The following RTN4R variants were observed in gnomAD, a reference collection of about 807,000 sequenced individuals.
RTN4R encodes reticulon-4 receptor.
Under a neutral mutation model 27.7 loss-of-function variants are expected in RTN4R, and 4 were observed. That is an observed-to-expected ratio of 0.14 (90% CI 0.07 to 0.33). The LOEUF (loss-of-function observed/expected upper bound fraction) is 0.33, where lower values mean the gene tolerates loss of function less well. RTN4R is among the 10% of genes least tolerant of loss of function. The pLI is 1.00. For missense variants in RTN4R, 554 were observed against 671.5 expected (o/e 0.83, Z 1.93); for synonymous variants, 290 against 305.6 (o/e 0.95, Z 0.53).
Position 20,242,835 on chromosome 22 carries a change from C to T in RTN4R, c.298G>A (p.Ala100Thr), listed in dbSNP as rs1374199094. 9.9e-6 allele frequency: 16 copies of T among 1,613,058 alleles called. No individual in the cohort carries two copies. Among genetic ancestry groups the T allele is most frequent in the Non-Finnish European group, 1.4e-5 (16 of 1,179,962 alleles). The change falls in exon 2 of 2, where the codon GCC becomes ACC. Residue 100 changes from alanine (A) to threonine (T), a missense_variant. Around this residue, in one of 2 missense-constraint regions of RTN4R, gnomAD observed 413 missense variants for 542.3 expected, o/e 0.76. Transcript: ENST00000043402. ...TCCAGGAGGGCCAGGCCAGTGAAGG[C>T]AGCCGCATCAATTCGGGCCAGCACA... ...SNVLARIDAAAFTGLALLEQL... is the reference protein window; with the variant it reads ...SNVLARIDAATFTGLALLEQL...
At chr22:20,251,246 A>AC in intron 1 of RTN4R, among the ~76,000 whole-genome samples, 1 of 151,848 alleles carries the variant, frequency 6.6e-6, no homozygotes, top group South Asian at 2.1e-4. Flanking sequence ...TGTACTTCCC[A>AC]GGACATCAGG....
At chr22:20,257,292 G>A (rs8136268) in intron 1 of RTN4R, among the ~76,000 whole-genome samples, 21,154 of 152,280 alleles carry the variant, frequency 0.14, 1,645 homozygotes, top group South Asian at 0.25. Context: ...ACAGCTCCAT[G>A]TCTGCGTCTC....
At position 20,242,640 on chromosome 22, in the gene RTN4R, C is replaced by G; in HGVS notation, c.493G>C (p.Ala165Pro). Residue 165 changes from alanine (A) to proline (P), a missense_variant, in exon 2 of 2, where the codon GCG (alanine) becomes CCG (proline). Ala to Pro is a conservative substitution (Grantham distance 27). Coordinates refer to ENST00000043402, the MANE Select transcript of RTN4R (RefSeq NM_023004.6). Reference protein sequence around the residue: ...ALQYLYLQDNALQALPDDTFR... With the variant: ...ALQYLYLQDNPLQALPDDTFR... Reference sequence around the variant, plus strand: ...GTGTCATCAGGCAGTGCCTGCAGCGCGTTGTCCTGCAGGTAGAGGTACTGC... The same window carrying G: ...GTGTCATCAGGCAGTGCCTGCAGCGGGTTGTCCTGCAGGTAGAGGTACTGC... The G allele has an allele frequency of 6.2e-7, 1 of 1,611,942 alleles. No homozygotes were observed. Among genetic ancestry groups the G allele is most frequent in the Non-Finnish European group, 8.5e-7 (1 of 1,179,656 alleles).
At chr22:20,243,508 G>C in intron 1 of RTN4R, 1 of 497,262 alleles carries the variant, frequency 2.0e-6, no homozygotes, top group Non-Finnish European at 4.1e-6. Context: ...GTCCCAGTGG[G>C]GGTTCCACCC....
intron 1 of RTN4R, among the ~76,000 whole-genome samples, chr22:20,256,312 C>G (rs1201052376): frequency 1.3e-5 from 2 of 152,180 alleles, no homozygotes; most frequent in Non-Finnish European, 2.9e-5. Context: ...GGTCAGGGGG[C>G]CATGCACAGG....
At position 20,242,960 on chromosome 22, in the gene RTN4R, G is replaced by A. The variant is rs756270745; in HGVS notation, c.173C>T (p.Ala58Val). 1 of 1,612,026 alleles carries A rather than the reference G, an allele frequency of 6.2e-7. No homozygotes were observed. The highest frequency in any genetic ancestry group is 1.1e-5 in the South Asian group (1 of 91,038). The change falls in exon 2 of 2, where the codon GCC (alanine) becomes GTC (valine). Residue 58 changes from alanine (A) to valine (V), a missense_variant. This residue lies in a region of RTN4R where 413 missense variants were observed against 542.3 expected (regional missense o/e 0.76). Coordinates refer to ENST00000043402, the MANE Select transcript of RTN4R (RefSeq NM_023004.6). ...LQAVPVGIPA[A>V]SQRIFLHGNR... The stretch of plus-strand genomic sequence containing the variant: ...GCCGTGCAGGAAGATGCGCTGGCTG[G>A]CAGCAGGGATGCCCACGGGCACAGC...
intron 1 of RTN4R, among the ~76,000 whole-genome samples, chr22:20,266,002 G>A (rs1021336960): frequency 6.6e-6 from 1 of 152,236 alleles, no homozygotes; most frequent in Non-Finnish European, 1.5e-5. Context: ...TCCAGGTCAC[G>A]GTTCTGCCAC....
At chr22:20,244,769 C>G (rs1380244647) in intron 1 of RTN4R, among the ~76,000 whole-genome samples, 1 of 152,184 alleles carries the variant, frequency 6.6e-6, no homozygotes, top group Non-Finnish European at 1.5e-5. Context: ...GTCCTGGGGC[C>G]AGGTGGGGTG....
chr22:20,242,802 C>G lies in RTN4R; in HGVS notation c.331G>C (p.Asp111His). ...CGGAGCTGTGCATTATCGCTGAGGT[C>G]CAGCTGCTCCAGGAGGGCCAGGCCA... ...FTGLALLEQL[D>H]LSDNAQLRSV... Residue 111 changes from aspartate to histidine, a missense_variant, in exon 2 of 2, where the codon GAC becomes CAC. Physicochemically the swap from Asp to His is moderately conservative, Grantham distance 81. Transcript: ENST00000043402. The G allele has an allele frequency of 6.2e-7, 1 of 1,612,962 alleles. No homozygotes were observed. The highest frequency in any genetic ancestry group is 1.1e-5 in the South Asian group (1 of 91,076).
rs916973797 is a variant in RTN4R at position 20,241,813 on chromosome 22, C to T, written c.1320G>A (p.Gly440=). The change falls in exon 2 of 2, where the codon GGG becomes GGA. Residue 440 remains glycine, a synonymous_variant. Coordinates refer to ENST00000043402, the MANE Select transcript of RTN4R (RefSeq NM_023004.6). ...CACCTGAGCCTTCTGAGTCACCAGT[C>T]CCGCCACCCCCGCTGCCTGCCTGGC... is the stretch of plus-strand genomic sequence containing the variant. ...RLGQAGSGGG[G]TGDSEGSGAL... 1.9e-6 allele frequency: 3 copies of T among 1,581,180 alleles called. No homozygotes were observed. The highest frequency in any genetic ancestry group is 1.1e-5 in the South Asian group (1 of 87,566).
chr22:20,259,628 G>A (rs1365404783), intron 1 of RTN4R, among the ~76,000 whole-genome samples: 4 of 152,104 alleles, frequency 2.6e-5, no homozygotes, highest in Admixed American at 6.5e-5. Context: ...CATCTCACCC[G>A]GGCAGTGGCC....
At chr22:20,258,610 G>A (rs972342129) in intron 1 of RTN4R, among the ~76,000 whole-genome samples, 4 of 150,458 alleles carry the variant, frequency 2.7e-5, no homozygotes, top group African/African-American at 1.0e-4. Context: ...AGTGAGCCAC[G>A]GGGGGCTATG....
chr22:20,265,811 G>A (rs1361203592), intron 1 of RTN4R, among the ~76,000 whole-genome samples: 3 of 152,212 alleles, frequency 2.0e-5, no homozygotes, highest in Non-Finnish European at 4.4e-5. Flanking sequence ...TTCTGAGGCA[G>A]AAGCACCAGA....
chr22:20,268,312 G>GGGGCCT lies in RTN4R; in HGVS notation c.-221_-220insAGGCCC, dbSNP rs2051293169. 1 of 143,302 alleles carries GGGGCCT rather than the reference G, an allele frequency of 7.0e-6. No individual in the cohort carries two copies. Among genetic ancestry groups the GGGGCCT allele is most frequent in the Non-Finnish European group, 1.5e-5 (1 of 64,542 alleles). The allele number at this position is 143,302 out of a possible 1,614,324, so 8.9% of individuals were successfully genotyped here. Reference sequence around the variant, plus strand: ...CGCACAGGGCGAGGGCGGCGGCGGCGCGGGGGTTGGGGCGTGGGCGGCGCG... The same window carrying GGGGCCT: ...CGCACAGGGCGAGGGCGGCGGCGGCGGGGCCTCGGGGGTTGGGGCGTGGGCGGCGCG... On this transcript the variant is annotated 5_prime_UTR_variant, in exon 1 of 2. Coordinates refer to ENST00000043402, the MANE Select transcript of RTN4R (RefSeq NM_023004.6).
At chr22:20,262,586 C>A (rs1370916316) in intron 1 of RTN4R, among the ~76,000 whole-genome samples, 4 of 152,196 alleles carry the variant, frequency 2.6e-5, no homozygotes, top group Admixed American at 2.0e-4. Flanking sequence ...CCACCAAGGG[C>A]CAGCCCTCCA....
Position 20,241,906 on chromosome 22 carries a change from G to A in RTN4R, c.1227C>T (p.Pro409=). Residue 409 remains proline, a synonymous_variant, in exon 2 of 2, where the codon CCC becomes CCT. Transcript: ENST00000043402. ...RPEGSEPPGF[P]TSGPRRRPGC... is the part of the protein sequence containing the mutation. ...CTGGCCTCCGGCGAGGGCCCGAGGT[G>A]GGGAACCCTGGTGGCTCGGAGCCCT... is the stretch of plus-strand genomic sequence containing the variant. The A allele has an allele frequency of 1.2e-6, 2 of 1,605,720 alleles. No homozygotes were observed. Among genetic ancestry groups the A allele is most frequent in the Non-Finnish European group, 8.5e-7 (1 of 1,176,720 alleles).
Position 20,241,881 on chromosome 22 carries a change from C to T in RTN4R, c.1252G>A (p.Gly418Ser). ...FPTSGPRRRP[G>S]CSRKNRTRSH... is the part of the protein sequence containing the mutation. ...CGGGTGCGGTTCTTGCGTGAACAGC[C>T]TGGCCTCCGGCGAGGGCCCGAGGTG... is the stretch of plus-strand genomic sequence containing the variant. Residue 418 changes from glycine to serine, a missense_variant, in exon 2 of 2, where the codon GGC becomes AGC. Gly to Ser is a moderately conservative substitution (Grantham distance 56). Coordinates refer to ENST00000043402, the MANE Select transcript of RTN4R (RefSeq NM_023004.6). The T allele has an allele frequency of 1.2e-6, 2 of 1,607,738 alleles. No homozygotes were observed.
At chr22:20,245,240 C>T (rs927549738) in intron 1 of RTN4R, among the ~76,000 whole-genome samples, 5 of 152,160 alleles carry the variant, frequency 3.3e-5, no homozygotes, top group African/African-American at 9.7e-5. Context: ...AGACACGGCT[C>T]GGTTCCTGCC....
intron 1 of RTN4R, among the ~76,000 whole-genome samples, chr22:20,260,414 G>A (rs575261805): frequency 3.9e-5 from 6 of 152,284 alleles, no homozygotes; most frequent in Admixed American, 2.6e-4. Flanking sequence ...GGGAGGGAAC[G>A]TTGCTGGGCT....
Sources: gnomAD v4.1 joint callset for allele counts (sites outside exome capture counted in the v4.1 genomes callset) on GRCh38, gnomAD v4.1.1 for gene constraint, gnomAD v4.1.1 regional missense constraint, MANE v1.5 for transcripts, NCBI Gene and HGNC (gene_info 2026-07-23, HGNC 2026-07-21) for gene names.